The following ZBTB21 variants were observed in gnomAD, a reference collection of about 807,000 sequenced individuals.
ZBTB21 encodes the protein zinc finger and BTB domain containing 21, also known as zinc finger and BTB domain-containing protein 21.
ZBTB21 carries 10 observed loss-of-function variants against 39.8 expected under a neutral mutation model. That is an observed-to-expected ratio of 0.25 (90% CI 0.16 to 0.43). The LOEUF is 0.43. ZBTB21 is among the 20% of genes least tolerant of loss of function. The pLI, the probability that ZBTB21 is intolerant of heterozygous loss-of-function variation, is 1.00. For missense variants in ZBTB21, 1,221 were observed against 1,296.3 expected (o/e 0.94, Z 0.89); for synonymous variants, 551 against 498.8 (o/e 1.10, Z -1.40).
Position 41,991,991 on chromosome 21 carries a change from T to G in ZBTB21, c.2105A>C (p.Lys702Thr). Residue 702 changes from lysine to threonine, a missense_variant, in exon 3 of 3, where the codon AAA becomes ACA. Physicochemically the swap from Lys to Thr is moderately conservative, Grantham distance 78. This residue lies in a region of ZBTB21 where 523 missense variants were observed against 542.5 expected (regional missense o/e 0.96). Coordinates refer to ENST00000310826, the MANE Select transcript of ZBTB21 (RefSeq NM_001098402.2). The surrounding 1 kb of genome is among the most constrained non-coding windows in gnomAD (Gnocchi z 4.9). ...AGCATGCTCTTTTGGTTTAGCAACT[T>G]TATTTACTCCAAGGGGTTTTTCTCC... ...HPGEKPLGVN[K>T]VAKPKEHAPL... 6.2e-7 allele frequency: 1 copy of G among 1,614,226 alleles called. No homozygotes were observed. The highest frequency in any genetic ancestry group is 8.5e-7 in the Non-Finnish European group (1 of 1,180,038).
intron 2 of ZBTB21, among the ~76,000 whole-genome samples, chr21:42,000,698 T>C (rs2065807162): frequency 6.6e-6 from 1 of 152,224 alleles, no homozygotes; most frequent in East Asian, 1.9e-4. Context: ...ATTTCTTGGA[T>C]CACAGACCTC....
chr21:41,995,299 A>G (rs1277609419), intron 2 of ZBTB21, among the ~76,000 whole-genome samples: 1 of 152,230 alleles, frequency 6.6e-6, no homozygotes, highest in Non-Finnish European at 1.5e-5. Context: ...TAATGCCAAT[A>G]ATGATACAGA....
At chr21:41,997,190 G>C (rs2065757967) in intron 2 of ZBTB21, among the ~76,000 whole-genome samples, 1 of 151,978 alleles carries the variant, frequency 6.6e-6, no homozygotes, top group Non-Finnish European at 1.5e-5. Flanking sequence ...CCCAAGTGTT[G>C]GGATTACAGG....
intron 2 of ZBTB21, chr21:42,002,209 C>G (rs1392892150): frequency 6.6e-6 from 1 of 152,138 alleles, no homozygotes; most frequent in Non-Finnish European, 1.5e-5. Flanking sequence ...CACATTAAGG[C>G]CCTTGTTTTT....
intron 1 of ZBTB21, chr21:42,008,027 A>G (rs1016695546): frequency 1.3e-5 from 2 of 152,210 alleles, no homozygotes; most frequent in African/African-American, 2.4e-5. Context: ...CTTAAACTCC[A>G]CAACTCTCGT....
chr21:41,993,837 T>C lies in ZBTB21; in HGVS notation c.259A>G (p.Ile87Val). ...TCAACAAATAGAGAGGAAGAATAAA[T>C]GTAGTTTAAAACATTATCAAAAGCA... is the stretch of plus-strand genomic sequence containing the variant. ...PDAFDNVLNY[I>V]YSSSLFVEKS... Residue 87 changes from isoleucine (I) to valine (V), a missense_variant, in exon 3 of 3, where the codon ATT (isoleucine) becomes GTT (valine). This residue lies in a region of ZBTB21 where 108 missense variants were observed against 155.0 expected (regional missense o/e 0.70). Coordinates refer to ENST00000310826, the MANE Select transcript of ZBTB21 (RefSeq NM_001098402.2). 4 of 1,614,202 alleles carry C rather than the reference T, an allele frequency of 2.5e-6. No homozygotes were observed. The highest frequency in any genetic ancestry group is 2.2e-5 in the South Asian group (2 of 91,084).
chr21:42,009,172 G>C (rs759744312), intron 1 of ZBTB21: 20 of 151,990 alleles, frequency 1.3e-4, no homozygotes, highest in Non-Finnish European at 1.5e-5. Flanking sequence ...AACTTTCCCC[G>C]TCCTCTCGGT....
At chr21:42,006,867 C>G (rs1037979241) in intron 1 of ZBTB21, among the ~76,000 whole-genome samples, 1 of 152,114 alleles carries the variant, frequency 6.6e-6, no homozygotes, top group African/African-American at 2.4e-5. Context: ...AGAGGAAGGA[C>G]CAAGTAGGGA....
At chr21:41,998,940 A>T (rs997357705) in intron 2 of ZBTB21, among the ~76,000 whole-genome samples, 53 of 152,288 alleles carry the variant, frequency 3.5e-4, no homozygotes, top group Non-Finnish European at 5.4e-4. Context: ...CTATTTTTTT[A>T]AAAAATTATT....
chr21:41,993,462 T>G lies in ZBTB21; in HGVS notation c.634A>C (p.Ser212Arg), dbSNP rs1198568593. The G allele has an allele frequency of 6.2e-7, 1 of 1,614,240 alleles. No individual in the cohort carries two copies. The highest frequency in any genetic ancestry group is 2.2e-5 in the East Asian group (1 of 44,882). Residue 212 changes from serine to arginine, a missense_variant, in exon 3 of 3, where the codon AGT (serine) becomes CGT (arginine). Ser to Arg is a moderately radical substitution (Grantham distance 110, BLOSUM62 -1). Around this residue, in one of 4 missense-constraint regions of ZBTB21, gnomAD observed 500 missense variants for 465.6 expected, o/e 1.07. Transcript: ENST00000310826. ...SLTEKSWPKD[S>R]SVVYAKSLEH... Reference sequence around the variant, plus strand: ...AGAGACTTTGCATATACCACAGAACTATCTTTCGGCCAACTCTTTTCAGTT... The same window carrying G: ...AGAGACTTTGCATATACCACAGAACGATCTTTCGGCCAACTCTTTTCAGTT...
At chr21:42,004,561 C>T (rs2065856405) in intron 1 of ZBTB21, among the ~76,000 whole-genome samples, 1 of 152,138 alleles carries the variant, frequency 6.6e-6, no homozygotes, top group African/African-American at 2.4e-5. Flanking sequence ...GGACTAGTGT[C>T]ATAGCTAAGG....
In ZBTB21 at chr21:41,993,405, T is replaced by C; in HGVS notation, c.691A>G (p.Arg231Gly). The C allele has an allele frequency of 6.2e-7, 1 of 1,614,238 alleles. No individual in the cohort carries two copies. Among genetic ancestry groups the C allele is most frequent in the Non-Finnish European group, 8.5e-7 (1 of 1,180,046 alleles). ...GCATTTCTTTTCACCAAACTGATTC[T>C]ATTAGGATCATCCAAAGATCCAGAA... The part of the protein sequence containing the change: ...EHSGSLDDPN[R>G]ISLVKRNAVL... Residue 231 changes from arginine (R) to glycine (G), a missense_variant, in exon 3 of 3, where the codon AGA (arginine) becomes GGA (glycine). Arg to Gly is a moderately radical substitution (Grantham distance 125, BLOSUM62 -2). Coordinates refer to ENST00000310826, the MANE Select transcript of ZBTB21 (RefSeq NM_001098402.2).
Position 41,992,183 on chromosome 21 carries a change from T to A in ZBTB21, c.1913A>T (p.Lys638Met), listed in dbSNP as rs981751404. 3 of 1,614,192 alleles carry A rather than the reference T, an allele frequency of 1.9e-6. No homozygotes were observed. Among genetic ancestry groups the A allele is most frequent in the Non-Finnish European group, 2.5e-6 (3 of 1,180,024 alleles). The stretch of plus-strand genomic sequence containing the variant: ...AAAACCAGGCTTGCCGCGCCTTAAC[T>A]TAATGATCAGGGCCTTCTTAATTTC... ...EREIKKALII[K>M]LRRGKPGFQG... The change falls in exon 3 of 3, where the codon AAG (lysine) becomes ATG (methionine). Residue 638 changes from lysine to methionine, a missense_variant. Physicochemically the swap from Lys to Met is moderately conservative, Grantham distance 95 (BLOSUM62 -1). Transcript: ENST00000310826. This position sits in a 1 kb window ranked among gnomAD's most constrained non-coding sequence, Gnocchi z 4.1.
intron 1 of ZBTB21, among the ~76,000 whole-genome samples, chr21:42,007,663 T>C (rs2065896511): frequency 6.6e-6 from 1 of 152,180 alleles, no homozygotes; most frequent in Admixed American, 6.5e-5. Context: ...CTTCAATTAA[T>C]CTTCTTTTAC....
intron 2 of ZBTB21, among the ~76,000 whole-genome samples, chr21:42,001,247 T>A (rs1016307095): frequency 3.9e-5 from 6 of 152,214 alleles, no homozygotes; most frequent in Non-Finnish European, 2.9e-5. Flanking sequence ...AATTCTCGTA[T>A]CATCTTCTGA....
At chr21:41,998,990 C>T (rs2065785889) in intron 2 of ZBTB21, among the ~76,000 whole-genome samples, 1 of 151,694 alleles carries the variant, frequency 6.6e-6, no homozygotes, top group African/African-American at 2.4e-5. Context: ...CCTTTTTCTT[C>T]TCTTAGTCAT....
Position 41,991,032 on chromosome 21 carries a change from G to C in ZBTB21, c.3064C>G (p.Gln1022Glu). 11 of 1,581,146 alleles carry C rather than the reference G, an allele frequency of 7.0e-6. No individual in the cohort carries two copies. In the South Asian group the frequency reaches 1.2e-4, roughly 17 times the overall value. ...TPATEKLFVP[Q>E]ESDTLFYHAP... is the part of the protein sequence containing the mutation. ...TGGTAAAAAAGGGTGTCTGATTCTT[G>C]GGGCACAAACAGTTTTTCTGTGGCT... The change falls in exon 3 of 3, where the codon CAA (glutamine) becomes GAA (glutamate). Residue 1022 changes from glutamine (Q) to glutamate (E), a missense_variant. Gln to Glu is a conservative substitution (Grantham distance 29). Transcript: ENST00000310826. The surrounding 1 kb of genome is among the most constrained non-coding windows in gnomAD (Gnocchi z 4.9).
In ZBTB21 at chr21:41,992,478, T is replaced by C. The variant is rs750441789; in HGVS notation, c.1618A>G (p.Thr540Ala). 1 of 1,614,084 alleles carries C rather than the reference T, an allele frequency of 6.2e-7. No homozygotes were observed. Among genetic ancestry groups the C allele is most frequent in the Non-Finnish European group, 8.5e-7 (1 of 1,180,012 alleles). Residue 540 changes from threonine to alanine, a missense_variant, in exon 3 of 3, where the codon ACG becomes GCG. Thr to Ala is a moderately conservative substitution (Grantham distance 58). This residue lies in a region of ZBTB21 where 90 missense variants were observed against 133.1 expected (regional missense o/e 0.68). Transcript: ENST00000310826. The surrounding 1 kb of genome is among the most constrained non-coding windows in gnomAD (Gnocchi z 4.1). ...NKDEFGELEG[T>A]RPNKKFKCKH... ...CATTTAAATTTTTTGTTTGGTCTCGTCCCCTCCAACTCACCAAATTCGTCT... is the reference window on the plus strand; with the variant it reads ...CATTTAAATTTTTTGTTTGGTCTCGCCCCCTCCAACTCACCAAATTCGTCT...
intron 2 of ZBTB21, among the ~76,000 whole-genome samples, chr21:42,001,758 T>C (rs938242085): frequency 1.3e-5 from 2 of 152,220 alleles, no homozygotes; most frequent in African/African-American, 4.8e-5. Flanking sequence ...AAAACACTTT[T>C]AATGTATTAA....
Sources: allele counts gnomAD v4.1 joint callset (sites outside exome capture counted in the v4.1 genomes callset), GRCh38; gene constraint gnomAD v4.1.1; regional missense constraint gnomAD v4.1.1; non-coding constraint Gnocchi (gnomAD v3.1); transcripts MANE v1.5; gene names NCBI Gene and HGNC (gene_info 2026-07-23, HGNC 2026-07-21).